Variants in ALPK2 observed in about 807,000 individuals in gnomAD.
ALPK2 encodes alpha kinase 2.
In ALPK2, 127 loss-of-function variants were observed where a neutral mutation model predicts 163.1. That is an observed-to-expected ratio of 0.78 (90% CI 0.67 to 0.90). The LOEUF (loss-of-function observed/expected upper bound fraction) is 0.90. ALPK2 is among the 40% of genes least tolerant of loss of function. The probability of loss-of-function intolerance (pLI) is 0.00; values close to 1 mark genes in which losing one functional copy is unlikely to be tolerated. For missense variants in ALPK2, 2,360 were observed against 2,589.6 expected (o/e 0.91, Z 1.92); for synonymous variants, 953 against 959.1 (o/e 0.99, Z 0.12).
chr18:58,501,742 GTAA>G (rs1238572581), intron 11 of ALPK2, among the ~76,000 whole-genome samples: 1 of 152,242 alleles, frequency 6.6e-6, no homozygotes, highest in East Asian at 1.9e-4. Flanking sequence ...TTTCTCTTCT[GTAA>G]AATGGGGATC....
At chr18:58,506,018 C>T (rs2051460061) in intron 10 of ALPK2, among the ~76,000 whole-genome samples, 1 of 152,190 alleles carries the variant, frequency 6.6e-6, no homozygotes, top group African/African-American at 2.4e-5. Flanking sequence ...TCTCTCTGCC[C>T]ACAATCCCTA....
chr18:58,503,087 TGA>T (rs2051440958), intron 11 of ALPK2, among the ~76,000 whole-genome samples: 1 of 152,254 alleles, frequency 6.6e-6, no homozygotes, highest in African/African-American at 2.4e-5. Flanking sequence ...CATTTGTATG[TGA>T]GTACCTGTCT....
chr18:58,553,850 G>GTTTTTTTTTTTTTTTTTTTTTTTT (rs71173061), intron 4 of ALPK2, among the ~76,000 whole-genome samples: 1 of 73,994 alleles, frequency 1.4e-5, no homozygotes, highest in Non-Finnish European at 2.3e-5. Flanking sequence ...TTTTTTTTTG[G>GTTTTTTTTTTTTTTTTTTTTTTTT]TTTTTTTTTT....
chr18:58,484,213 G>A (rs1170491310), intron 12 of ALPK2, among the ~76,000 whole-genome samples: 1 of 152,132 alleles, frequency 6.6e-6, no homozygotes, highest in Non-Finnish European at 1.5e-5. Context: ...ACCTGTATCA[G>A]TGCTGTGTTC....
chr18:58,526,058 G>A (rs893913112), intron 6 of ALPK2, among the ~76,000 whole-genome samples: 8 of 151,520 alleles, frequency 5.3e-5, no homozygotes, highest in Admixed American at 6.6e-5. Flanking sequence ...CAATACAGCT[G>A]TAGAAAGCAG....
chr18:58,492,288 GCACACA>G (rs367991386), intron 12 of ALPK2, among the ~76,000 whole-genome samples: 2 of 151,504 alleles, frequency 1.3e-5, no homozygotes, highest in East Asian at 3.9e-4. Flanking sequence ...ATATATACGC[GCACACA>G]CACACGCACA....
chr18:58,574,549 C>T (rs12959366), intron 4 of ALPK2, among the ~76,000 whole-genome samples: 7 of 151,612 alleles, frequency 4.6e-5, no homozygotes, highest in Non-Finnish European at 7.4e-5. Context: ...AACTGGGCCA[C>T]GCAGCAGGAG....
At chr18:58,563,608 T>A (rs553451931) in intron 4 of ALPK2, among the ~76,000 whole-genome samples, 1 of 152,372 alleles carries the variant, frequency 6.6e-6, no homozygotes, top group South Asian at 2.1e-4. Flanking sequence ...CTCATGAACC[T>A]GTAAGTTTCT....
intron 4 of ALPK2, among the ~76,000 whole-genome samples, chr18:58,564,123 C>CTTTTTTTTTTTT (rs10689097): frequency 0.26 from 26,122 of 100,504 alleles, 5,127 homozygotes; most frequent in African/African-American, 0.28. Flanking sequence ...TGTCTTTGTT[C>CTTTTTTTTTTTT]TTTTTTTTTT....
intron 4 of ALPK2, chr18:58,578,611 T>A: frequency 1.9e-6 from 1 of 531,604 alleles, no homozygotes; most frequent in Non-Finnish European, 3.2e-6. Flanking sequence ...GGGCCTTTTT[T>A]TCAAAACCAG....
In ALPK2 at chr18:58,579,409, T is replaced by C. The variant is rs765926382; in HGVS notation, c.1367A>G (p.Glu456Gly). 3.1e-6 allele frequency: 5 copies of C among 1,614,188 alleles called. No homozygotes were observed. In the South Asian group the frequency reaches 5.5e-5, roughly 18 times the overall value. ...TCCTGGATAATCATTTTCAGCAGCC[T>C]CGGGAGCAGTGGGGAGTTTATATCT... ...QGRYKLPTAP[E>G]AAENDYPGIQ... The change falls in exon 4 of 13, where the codon GAG becomes GGG. Residue 456 changes from glutamate to glycine, a missense_variant. By Grantham distance (98) the Glu-to-Gly change is moderately conservative. Transcript: ENST00000361673.
At chr18:58,532,159 A>G (rs1323368662) in intron 5 of ALPK2, among the ~76,000 whole-genome samples, 1 of 152,178 alleles carries the variant, frequency 6.6e-6, no homozygotes, top group Non-Finnish European at 1.5e-5. Context: ...TGTCCTTAAT[A>G]AATGGATGAA....
At chr18:58,530,040 A>G (rs983103888) in intron 5 of ALPK2, among the ~76,000 whole-genome samples, 7 of 152,356 alleles carry the variant, frequency 4.6e-5, no homozygotes, top group Middle Eastern at 3.4e-3. Context: ...GTCTATCACA[A>G]ATTAAGTAGC....
chr18:58,543,207 T>C (rs2051699818), intron 4 of ALPK2, among the ~76,000 whole-genome samples: 1 of 152,176 alleles, frequency 6.6e-6, no homozygotes. Flanking sequence ...CCAGCAGCAA[T>C]AAGGCCTGCA....
chr18:58,596,043 G>A (rs1338531748), intron 3 of ALPK2, among the ~76,000 whole-genome samples: 1 of 152,190 alleles, frequency 6.6e-6, no homozygotes, highest in Non-Finnish European at 1.5e-5. Flanking sequence ...AATTTGATCT[G>A]AGTTCCCTAC....
chr18:58,599,612 A>G (rs1226519406), intron 3 of ALPK2, among the ~76,000 whole-genome samples: 3 of 152,164 alleles, frequency 2.0e-5, no homozygotes, highest in African/African-American at 4.8e-5. Context: ...TTTACCCTCC[A>G]AAAGAGAAAT....
In ALPK2 at chr18:58,578,839, A is replaced by T; in HGVS notation, c.1937T>A (p.Val646Asp). 6.2e-7 allele frequency: 1 copy of T among 1,613,608 alleles called. No individual in the cohort carries two copies. The stretch of plus-strand genomic sequence containing the variant: ...CTGAGGAGGATCACTCCAGTCTGGA[A>T]CCTGGCTTGTTTCAAATAGAGTATT... ...QVNTLFETSQ[V>D]PDWSDPPQVQ... The change falls in exon 4 of 13, where the codon GTT (valine) becomes GAT (aspartate). Residue 646 changes from valine to aspartate, a missense_variant. By Grantham distance (152) the Val-to-Asp change is radical (BLOSUM62 -3). Transcript: ENST00000361673.
At chr18:58,564,573 C>CTTTTTTTTTTTTT (rs2051841938) in intron 4 of ALPK2, among the ~76,000 whole-genome samples, 1 of 145,764 alleles carries the variant, frequency 6.9e-6, no homozygotes, top group Non-Finnish European at 1.5e-5. Flanking sequence ...TTTTTTTTTC[C>CTTTTTTTTTTTTT]TTTTTGCTTA....
In ALPK2 at chr18:58,579,422, G is replaced by A. The variant is rs2051942851; in HGVS notation, c.1354C>T (p.Pro452Ser). ...SVTEQGRYKLPTAPEAAENDY... is the reference protein window; with the variant it reads ...SVTEQGRYKLSTAPEAAENDY... ...TTTTCAGCAGCCTCGGGAGCAGTGG[G>A]GAGTTTATATCTCCCCTGTTCTGTC... is the stretch of plus-strand genomic sequence containing the variant. The change falls in exon 4 of 13, where the codon CCC becomes TCC. Residue 452 changes from proline (P) to serine (S), a missense_variant. Coordinates refer to ENST00000361673, the MANE Select transcript of ALPK2 (RefSeq NM_052947.4). The A allele has an allele frequency of 2.5e-6, 4 of 1,614,128 alleles. No homozygotes were observed. The highest frequency in any genetic ancestry group is 3.4e-6 in the Non-Finnish European group (4 of 1,180,028).
Sources: gnomAD v4.1 joint callset for allele counts (sites outside exome capture counted in the v4.1 genomes callset) on GRCh38, gnomAD v4.1.1 for gene constraint, MANE v1.5 for transcripts, NCBI Gene and HGNC (gene_info 2026-07-23, HGNC 2026-07-21) for gene names.